KCNN2: variants seen among roughly 807,000 people sequenced by gnomAD.
KCNN2 encodes small conductance calcium-activated potassium channel protein 2.
In KCNN2, 24 loss-of-function variants were observed where a neutral mutation model predicts 55.5. The ratio of observed to expected loss-of-function variants is 0.43; its 90% CI spans 0.31 to 0.61. The LOEUF (loss-of-function observed/expected upper bound fraction) is 0.61, where lower values mean the gene tolerates loss of function less well. KCNN2 is among the 20% of genes least tolerant of loss of function. The pLI is 0.08. For missense variants in KCNN2, 754 were observed against 853.6 expected, an observed-to-expected ratio of 0.88 and a Z score of 1.45; for synonymous variants, 431 against 336.1, an observed-to-expected ratio of 1.28 and a Z score of -3.09.
intron 3 of KCNN2, among the ~76,000 whole-genome samples, chr5:114,444,286 A>T (rs1339874688): frequency 2.6e-5 from 4 of 152,116 alleles, no homozygotes; most frequent in Non-Finnish European, 4.4e-5. Flanking sequence ...CCATACAGCA[A>T]GGGATACATA....
At chr5:114,468,490 C>T (rs149164448) in intron 4 of KCNN2, among the ~76,000 whole-genome samples, 1 of 151,802 alleles carries the variant, frequency 6.6e-6, no homozygotes, top group East Asian at 1.9e-4. Flanking sequence ...TACATAAAAG[C>T]GTGATTTTTT....
intron 3 of KCNN2, among the ~76,000 whole-genome samples, chr5:114,418,613 C>A (rs1480517099): frequency 6.6e-6 from 1 of 152,128 alleles, no homozygotes; most frequent in African/African-American, 2.4e-5. Context: ...AGCAAGGGAA[C>A]CCCATTCTGA....
At chr5:114,478,234 G>A (rs1336108421) in intron 5 of KCNN2, among the ~76,000 whole-genome samples, 1 of 151,996 alleles carries the variant, frequency 6.6e-6, no homozygotes, top group Admixed American at 6.6e-5. Context: ...AGCAGCAGGA[G>A]AAAAAAACAA....
intron 2 of KCNN2, among the ~76,000 whole-genome samples, chr5:114,383,928 T>A (rs1758202106): frequency 6.6e-6 from 1 of 152,258 alleles, no homozygotes; most frequent in Admixed American, 6.5e-5. Context: ...TCACAGTAAC[T>A]AATGTGTATC....
At chr5:114,307,359 T>G (rs1471735673) in intron 2 of KCNN2, among the ~76,000 whole-genome samples, 2 of 152,172 alleles carry the variant, frequency 1.3e-5, no homozygotes, top group Non-Finnish European at 2.9e-5. Context: ...ACACTAATTA[T>G]GTATGTTTAT....
At chr5:114,336,708 T>C (rs1319394737) in intron 2 of KCNN2, among the ~76,000 whole-genome samples, 1 of 152,198 alleles carries the variant, frequency 6.6e-6, no homozygotes, top group Non-Finnish European at 1.5e-5. Flanking sequence ...AACAAATGCC[T>C]CTTTGAGAAT....
At chr5:114,237,560 C>A (rs528345171) in intron 2 of KCNN2, among the ~76,000 whole-genome samples, 5 of 152,112 alleles carry the variant, frequency 3.3e-5, no homozygotes, top group South Asian at 4.2e-4. Flanking sequence ...TTAGTAGATC[C>A]CCCGCCATGA....
intron 1 of KCNN2, among the ~76,000 whole-genome samples, chr5:114,203,036 G>T (rs537734628): frequency 2.6e-5 from 4 of 152,196 alleles, no homozygotes; most frequent in African/African-American, 9.6e-5. Flanking sequence ...TCCAATTTTG[G>T]CTGTGAAGGA....
At chr5:114,143,199 G>GT (rs1292049045) in intron 1 of KCNN2, among the ~76,000 whole-genome samples, 1 of 152,062 alleles carries the variant, frequency 6.6e-6, no homozygotes, top group Non-Finnish European at 1.5e-5. Context: ...AGGTGAGATG[G>GT]TCACATGGGA....
At chr5:114,306,937 C>G (rs1246803115) in intron 2 of KCNN2, among the ~76,000 whole-genome samples, 1 of 152,012 alleles carries the variant, frequency 6.6e-6, no homozygotes, top group Non-Finnish European at 1.5e-5. Flanking sequence ...CTCCTGACCT[C>G]AGGTGATCCA....
intron 3 of KCNN2, among the ~76,000 whole-genome samples, chr5:114,432,986 G>C (rs963017579): frequency 6.6e-6 from 1 of 152,074 alleles, no homozygotes; most frequent in Non-Finnish European, 1.5e-5. Context: ...GCTCCTGTGC[G>C]GCCGGAGCCT....
At chr5:114,284,019 G>A (rs1393671554) in intron 2 of KCNN2, among the ~76,000 whole-genome samples, 1 of 152,132 alleles carries the variant, frequency 6.6e-6, no homozygotes, top group Non-Finnish European at 1.5e-5. Context: ...CCAGGAAGAG[G>A]GGATATTCTT....
chr5:114,123,873 T>G (rs10056192), intron 1 of KCNN2, among the ~76,000 whole-genome samples: 46,888 of 152,074 alleles, frequency 0.31, 7,466 homozygotes, highest in Non-Finnish European at 0.33. Flanking sequence ...CCACCTTGGT[T>G]TCTTGATGCT....
upstream of KCNN2, among the ~76,000 whole-genome samples, chr5:114,361,473 A>G (rs1254439466): frequency 6.6e-6 from 1 of 152,026 alleles, no homozygotes; most frequent in Admixed American, 6.5e-5. Context: ...CGGTCGCCAA[A>G]CTTTTTCTCC....
At chr5:114,243,945 C>T (rs1486340991) in intron 2 of KCNN2, among the ~76,000 whole-genome samples, 1 of 152,134 alleles carries the variant, frequency 6.6e-6, no homozygotes, top group Non-Finnish European at 1.5e-5. Context: ...CTGCGGATTG[C>T]AAGTACTGGA....
At chr5:114,237,826 C>T (rs766675902) in intron 2 of KCNN2, among the ~76,000 whole-genome samples, 56 of 152,262 alleles carry the variant, frequency 3.7e-4, no homozygotes, top group Middle Eastern at 3.4e-3. Flanking sequence ...TAGCCTTCTA[C>T]GGGTTGGGAG....
chr5:114,360,557 T>G (rs1446103458), upstream of KCNN2, among the ~76,000 whole-genome samples: 1 of 152,124 alleles, frequency 6.6e-6, no homozygotes, highest in East Asian at 1.9e-4. Flanking sequence ...AGACGGGAAT[T>G]TGAATTCACA....
intron 3 of KCNN2, among the ~76,000 whole-genome samples, chr5:114,410,390 A>T (rs1759094857): frequency 6.6e-6 from 1 of 152,188 alleles, no homozygotes; most frequent in African/African-American, 2.4e-5. Context: ...GTGCTGTGTT[A>T]CACAAAGAAA....
intron 2 of KCNN2, among the ~76,000 whole-genome samples, chr5:114,326,751 A>G (rs1475874728): frequency 6.6e-6 from 1 of 152,006 alleles, no homozygotes; most frequent in East Asian, 1.9e-4. Flanking sequence ...GAAATTTTAG[A>G]TTTTTTTCCA....
Sources: gnomAD v4.1 joint callset for allele counts (sites outside exome capture counted in the v4.1 genomes callset) on GRCh38, gnomAD v4.1.1 for gene constraint, MANE v1.5 for transcripts, NCBI Gene and HGNC (gene_info 2026-07-23, HGNC 2026-07-21) for gene names.